The following ABHD3 variants were observed in gnomAD, a reference collection of about 807,000 sequenced individuals.
The protein encoded by ABHD3 is phospholipase ABHD3.
A neutral mutation model predicts 48.8 loss-of-function variants in ABHD3; 46 were observed. The observed-to-expected ratio is 0.94, with a 90% CI of 0.74 to 1.20. The LOEUF (loss-of-function observed/expected upper bound fraction) is 1.20, where lower values mean the gene tolerates loss of function less well. Ranked by LOEUF, ABHD3 falls within the 50% of genes most tolerant of loss-of-function variation. The pLI is 0.00. For missense variants in ABHD3, 490 were observed against 497.8 expected (o/e 0.98, Z 0.15); for synonymous variants, 192 against 183.7 (o/e 1.04, Z -0.36).
chr18:21,654,788 C>G (rs184679375), intron 8 of ABHD3: 2 of 152,326 alleles, frequency 1.3e-5, no homozygotes, highest in East Asian at 3.9e-4. Context: ...TGCCTGTTCT[C>G]TCAGACTGCA....
rs2039225619 is a variant in ABHD3 at position 21,651,686 on chromosome 18, GA to G, written c.1134del (p.Leu379TrpfsTer34). 2 of 1,611,900 alleles carry G rather than the reference GA, an allele frequency of 1.2e-6. No homozygotes were observed. Among genetic ancestry groups the G allele is most frequent in the Non-Finnish European group, 1.7e-6 (2 of 1,179,256 alleles). On this transcript the variant is annotated frameshift_variant, in exon 9 of 9. Coordinates refer to ENST00000289119, the MANE Select transcript of ABHD3 (RefSeq NM_138340.5). LOFTEE classifies it high-confidence loss of function. Reference protein sequence around the residue: ...VLTSYGGHIGFLEGIWPRQST... With the variant: ...VLTSYGGHIGXLEGIWPRQST... ...GACTGTCTTGGCCAGATTCCCTCCA[GA>G]AAACCAATATGGCCTCCATAAGAAG... is the stretch of plus-strand genomic sequence containing the variant.
chr18:21,671,804 CATT>C (rs947838885), intron 4 of ABHD3, among the ~76,000 whole-genome samples: 9 of 152,028 alleles, frequency 5.9e-5, no homozygotes, highest in Non-Finnish European at 8.8e-5. Context: ...TATTTATTAT[CATT>C]ATTATTTTTT....
rs1568136000 is a variant in ABHD3 at position 21,657,104 on chromosome 18, CTT to C, written c.889_890del (p.Lys297GlyfsTer2). On this transcript the variant is annotated frameshift_variant and splice_region_variant, in exon 7 of 9. Coordinates refer to ENST00000289119, the MANE Select transcript of ABHD3 (RefSeq NM_138340.5). LOFTEE classifies it high-confidence loss of function. Reference protein sequence around the residue: ...VKQVDMDHVMKAKSIREFDKR... With the variant: ...VKQVDMDHVMXAKSIREFDKR... ...GTATTACATAAAGTTTCTCTCCTAC[CTT>C]CATGACATGATCCATATCAACTTGT... The C allele has an allele frequency of 1.2e-6, 2 of 1,613,680 alleles. No individual in the cohort carries two copies. The highest frequency in any genetic ancestry group is 1.7e-6 in the Non-Finnish European group (2 of 1,179,902).
At chr18:21,703,494 A>G in intron 2 of ABHD3, 90 bp downstream of exon 2, 1 of 1,478,826 alleles carries the variant, frequency 6.8e-7, no homozygotes. Flanking sequence ...CCTAAAGCAG[A>G]TTCTATTAAC....
rs1201127990 is a variant in ABHD3, at chr18:21,651,519, T to A, written c.*72A>T. On this transcript the variant is annotated 3_prime_UTR_variant, in exon 9 of 9. Coordinates refer to ENST00000289119, the MANE Select transcript of ABHD3 (RefSeq NM_138340.5). The stretch of plus-strand genomic sequence containing the variant: ...GCTTATTTGCTTTATATACAACAGT[T>A]AAAATTTGTGCACTAAGCTGAGCTG... 1.3e-6 allele frequency: 2 copies of A among 1,575,454 alleles called. No individual in the cohort carries two copies. The highest frequency in any genetic ancestry group is 1.4e-5 in the African/African-American group (1 of 73,878).
chr18:21,677,265 G>A (rs1598535541), intron 4 of ABHD3, among the ~76,000 whole-genome samples: 2 of 152,150 alleles, frequency 1.3e-5, no homozygotes, highest in East Asian at 3.9e-4. Context: ...CACAATCTTG[G>A]CTCACTGCAA....
intron 4 of ABHD3, among the ~76,000 whole-genome samples, chr18:21,671,544 T>C (rs1382502953): frequency 6.6e-6 from 1 of 152,098 alleles, no homozygotes; most frequent in Non-Finnish European, 1.5e-5. Context: ...CAGCTATCCT[T>C]CTGGTAGATG....
At chr18:21,657,233 A>T in intron 6 of ABHD3, 81 bp from the exon 7 acceptor site, 2 of 1,318,224 alleles carry the variant, frequency 1.5e-6, no homozygotes, top group Non-Finnish European at 2.1e-6. Context: ...ACAAATTACT[A>T]AACAGCCTAC....
intron 6 of ABHD3, among the ~76,000 whole-genome samples, chr18:21,658,878 A>ACC (rs961265793): frequency 1.4e-5 from 2 of 142,974 alleles, no homozygotes; most frequent in African/African-American, 5.2e-5. Context: ...TTGCTCTGTC[A>ACC]CCCGGGCTGG....
At chr18:21,668,974 G>C (rs2039698100) in intron 4 of ABHD3, among the ~76,000 whole-genome samples, 1 of 152,138 alleles carries the variant, frequency 6.6e-6, no homozygotes, top group South Asian at 2.1e-4. Flanking sequence ...TGTAGTCCCA[G>C]GTACTCGGGA....
chr18:21,664,230 T>G lies in ABHD3; in HGVS notation c.556A>C (p.Thr186Pro), dbSNP rs1050002696. 1.2e-6 allele frequency: 2 copies of G among 1,606,144 alleles called. No homozygotes were observed. Among genetic ancestry groups the G allele is most frequent in the African/African-American group, 2.7e-5 (2 of 74,458 alleles). ...TTAGCACAACAATAAGTCCTTGGCG[T>G]CTGGAAGTAGTGACAAGTAAAGCAC... The part of the protein sequence containing the change: ...NRGVAGENLL[T>P]PRTYCCANTE... Residue 186 changes from threonine (T) to proline (P), a missense_variant and splice_region_variant, in exon 5 of 9, where the codon ACG (threonine) becomes CCG (proline). Physicochemically the swap from Thr to Pro is conservative, Grantham distance 38. Coordinates refer to ENST00000289119, the MANE Select transcript of ABHD3 (RefSeq NM_138340.5).
At chr18:21,700,561 G>A (rs372978141) in intron 3 of ABHD3, among the ~76,000 whole-genome samples, 1 of 151,728 alleles carries the variant, frequency 6.6e-6, no homozygotes, top group Non-Finnish European at 1.5e-5. Context: ...ATCACACCTG[G>A]CTAATTTTTG....
At chr18:21,677,134 C>G (rs2039900734) in intron 4 of ABHD3, among the ~76,000 whole-genome samples, 1 of 152,068 alleles carries the variant, frequency 6.6e-6, no homozygotes, top group Admixed American at 6.6e-5. Context: ...AATGTGTGGC[C>G]TGTTGAGATG....
intron 4 of ABHD3, chr18:21,682,396 C>G (rs947161319): frequency 6.6e-6 from 1 of 152,222 alleles, no homozygotes; most frequent in Non-Finnish European, 1.5e-5. Context: ...CAACTCAGAA[C>G]GCTACCTCCT....
chr18:21,674,710 T>C (rs1207945837), intron 4 of ABHD3, among the ~76,000 whole-genome samples: 1 of 152,200 alleles, frequency 6.6e-6, no homozygotes, highest in African/African-American at 2.4e-5. Flanking sequence ...CAGGTTATTT[T>C]TGAAGCATTT....
In ABHD3 at chr18:21,671,025, T is replaced by C. The variant is rs114568881; in HGVS notation, c.556-6795A>G. ...TTAGACCCTGTCTCAAAAAAATAAA[T>C]AAATGTCACAACAGGTGAGACTTGG... On this transcript the variant is annotated intron_variant, in intron 4 of 8. Coordinates refer to ENST00000289119, the MANE Select transcript of ABHD3 (RefSeq NM_138340.5). 7.5e-3 allele frequency among the ~76,000 whole-genome samples: 1,142 copies of C among 151,996 alleles called. 16 individuals carry two copies. The highest frequency in any genetic ancestry group is 0.026 in the African/African-American group (1,077 of 41,472).
At chr18:21,693,397 C>G (rs1228057889) in intron 3 of ABHD3, among the ~76,000 whole-genome samples, 1 of 152,238 alleles carries the variant, frequency 6.6e-6, no homozygotes, top group Middle Eastern at 3.4e-3. Context: ...AGGATCTGAA[C>G]CCAGGCAGAT....
chr18:21,692,150 A>G (rs1373720038), intron 3 of ABHD3, among the ~76,000 whole-genome samples: 1 of 152,138 alleles, frequency 6.6e-6, no homozygotes, highest in African/African-American at 2.4e-5. Flanking sequence ...GGGTTTCACC[A>G]TGTCGGCCAG....
intron 4 of ABHD3, among the ~76,000 whole-genome samples, chr18:21,666,231 G>A (rs1310257818): frequency 2.0e-5 from 3 of 152,020 alleles, no homozygotes; most frequent in Non-Finnish European, 4.4e-5. Context: ...GTCTCGCTCT[G>A]TTGCCAGGAT....
Sources: allele counts gnomAD v4.1 joint callset (sites outside exome capture counted in the v4.1 genomes callset), GRCh38; gene constraint gnomAD v4.1.1; transcripts MANE v1.5; gene names NCBI Gene and HGNC (gene_info 2026-07-23, HGNC 2026-07-21).